ELMO2: variants seen among roughly 807,000 people sequenced by gnomAD.
ELMO2 encodes engulfment and cell motility protein 2.
Under a neutral mutation model 96.2 loss-of-function variants are expected in ELMO2, and 37 were observed. The ratio of observed to expected loss-of-function variants is 0.38; its 90% CI spans 0.30 to 0.51. The LOEUF (loss-of-function observed/expected upper bound fraction) is 0.51, where lower values mean the gene tolerates loss of function less well. Ranked by LOEUF, ELMO2 falls within the 20% of genes least tolerant of loss-of-function variation. The probability of loss-of-function intolerance (pLI) is 0.88; values close to 1 mark genes in which losing one functional copy is unlikely to be tolerated. For missense variants in ELMO2, 561 were observed against 912.6 expected, an observed-to-expected ratio of 0.61 and a Z score of 4.96; for synonymous variants, 315 against 329.4, an observed-to-expected ratio of 0.96 and a Z score of 0.47.
chr20:46,369,083 A>C (rs1390290818), intron 20 of ELMO2, 115 bp from the exon 21 acceptor site: 5 of 928,898 alleles, frequency 5.4e-6, no homozygotes, highest in Non-Finnish European at 8.6e-6. Context: ...GATTCAGATG[A>C]ATGTCATCAA....
chr20:46,368,868 T>C lies in ELMO2; in HGVS notation c.1962+23A>G, dbSNP rs772407142. 27 of 1,613,674 alleles carry C rather than the reference T, an allele frequency of 1.7e-5. No homozygotes were observed. The South Asian group carries it at 2.7e-4, about 16-fold the overall frequency. ...GAGTTACAGAAATAGCTCTGTTGTCTAAGGCAGCGCCACACTGCTCACCTC... is the reference window on the plus strand; with the variant it reads ...GAGTTACAGAAATAGCTCTGTTGTCCAAGGCAGCGCCACACTGCTCACCTC... On this transcript the variant is annotated intron_variant, in intron 21 of 21. Coordinates refer to ENST00000290246, the MANE Select transcript of ELMO2 (RefSeq NM_133171.5).
chr20:46,391,305 T>C (rs2060146373), intron 6 of ELMO2, among the ~76,000 whole-genome samples: 1 of 152,176 alleles, frequency 6.6e-6, no homozygotes. Flanking sequence ...GTGTGACAAG[T>C]GGCAAGTAAT....
At position 46,371,961 on chromosome 20, in the gene ELMO2, T is replaced by C; in HGVS notation, c.1425A>G (p.Gln475=). The change falls in exon 17 of 22, where the codon CAA becomes CAG. Residue 475 remains glutamine, a synonymous_variant. Transcript: ENST00000290246. This position sits in a 1 kb window ranked among gnomAD's most constrained non-coding sequence, Gnocchi z 5.9. ...ATAEDFNKVM[Q]VVREQITRAL... is the part of the protein sequence containing the mutation. ...CTCGAGTGATTTGCTCTCGGACGAC[T>C]TGCATAACCTAAGAGGAGAAGAACC... The C allele has an allele frequency of 6.2e-7, 1 of 1,613,784 alleles. No homozygotes were observed. Among genetic ancestry groups the C allele is most frequent in the Non-Finnish European group, 8.5e-7 (1 of 1,180,004 alleles).
chr20:46,383,065 A>G (rs998808804), intron 10 of ELMO2, among the ~76,000 whole-genome samples: 2 of 152,184 alleles, frequency 1.3e-5, no homozygotes, highest in African/African-American at 2.4e-5. Flanking sequence ...AGACAGCCAT[A>G]CCCATTCATT....
intron 9 of ELMO2, among the ~76,000 whole-genome samples, chr20:46,384,562 A>G (rs1474665674): frequency 2.8e-5 from 4 of 145,308 alleles, no homozygotes; most frequent in African/African-American, 5.1e-5. Flanking sequence ...AAAAAAAAAA[A>G]CCAGAGAAGT....
intron 2 of ELMO2, among the ~76,000 whole-genome samples, chr20:46,395,881 T>A (rs2060236024): frequency 6.6e-6 from 1 of 152,254 alleles, no homozygotes; most frequent in South Asian, 2.1e-4. Flanking sequence ...AACAGGATTA[T>A]CACCTCCATT....
intron 1 of ELMO2, among the ~76,000 whole-genome samples, chr20:46,401,554 G>A (rs2060336064): frequency 6.6e-6 from 1 of 152,164 alleles, no homozygotes; most frequent in Non-Finnish European, 1.5e-5. Flanking sequence ...GACACCTTCT[G>A]TAGTGTTCCT....
intron 15 of ELMO2, among the ~76,000 whole-genome samples, chr20:46,374,097 GGTT>G (rs2059795880): frequency 1.3e-5 from 1 of 75,482 alleles, no homozygotes; most frequent in Admixed American, 1.6e-4. Flanking sequence ...GCTAATTTTT[GGTT>G]TTTTTTTTTT....
chr20:46,406,289 G>A (rs2060442031), intron 1 of ELMO2, among the ~76,000 whole-genome samples: 1 of 150,482 alleles, frequency 6.6e-6, no homozygotes, highest in African/African-American at 2.4e-5. Flanking sequence ...TGCCTGGCCC[G>A]CCCTCTTCCG....
rs181467143 is a variant in ELMO2 at position 46,383,304 on chromosome 20, A to G, written c.756+112T>C. 2.0e-4 allele frequency: 230 copies of G among 1,151,202 alleles called. 1 individual carries two copies. The African/African-American group carries it at 3.1e-3, about 16-fold the overall frequency. The allele number at this position is 1,151,202 out of a possible 1,614,324, so 71.3% of individuals were successfully genotyped here. On this transcript the variant is annotated intron_variant, in intron 10 of 21. Coordinates refer to ENST00000290246, the MANE Select transcript of ELMO2 (RefSeq NM_133171.5). Reference sequence around the variant, plus strand: ...GCTCCAGACCAGACAGCTAAGAGGAAGAACTCTTGGGAAAATTGCTGGATT... The same window carrying G: ...GCTCCAGACCAGACAGCTAAGAGGAGGAACTCTTGGGAAAATTGCTGGATT...
intron 11 of ELMO2, among the ~76,000 whole-genome samples, chr20:46,379,164 T>C (rs1250248351): frequency 6.6e-6 from 1 of 152,116 alleles, no homozygotes; most frequent in Admixed American, 6.6e-5. Context: ...CGGCTAATTT[T>C]TGTATTTTTA....
chr20:46,387,310 G>A lies in ELMO2; in HGVS notation c.525+28C>T, dbSNP rs750101968. On this transcript the variant is annotated intron_variant, in intron 8 of 21. Coordinates refer to ENST00000290246, the MANE Select transcript of ELMO2 (RefSeq NM_133171.5). ...TTGTGAACTGGCAGCTGAGGGAGGAGAGAAAGACAGAATGTTGGAGGCCTC... is the reference window on the plus strand; with the variant it reads ...TTGTGAACTGGCAGCTGAGGGAGGAAAGAAAGACAGAATGTTGGAGGCCTC... 6 of 1,596,708 alleles carry A rather than the reference G, an allele frequency of 3.8e-6. No homozygotes were observed. In the African/African-American group the frequency reaches 4.0e-5, roughly 11 times the overall value.
intron 6 of ELMO2, among the ~76,000 whole-genome samples, chr20:46,389,482 G>A (rs1344484411): frequency 6.6e-6 from 1 of 152,190 alleles, no homozygotes; most frequent in African/African-American, 2.4e-5. Context: ...GGGAATACTG[G>A]AGGCATCTGG....
intron 13 of ELMO2, among the ~76,000 whole-genome samples, chr20:46,374,906 A>G (rs2059826232): frequency 6.6e-6 from 1 of 152,118 alleles, no homozygotes. Flanking sequence ...AGTTAACCCC[A>G]TCCTCAAGCC....
rs1170686137 is a variant in ELMO2, at chr20:46,402,289, T to C, written c.-125-3518A>G. ...CAGCACACTGCCTGCCACATAGCTGTGTCCACAGAATTCCACAGGAAAATT... is the reference window on the plus strand; with the variant it reads ...CAGCACACTGCCTGCCACATAGCTGCGTCCACAGAATTCCACAGGAAAATT... On this transcript the variant is annotated intron_variant, in intron 1 of 21. Transcript: ENST00000290246. 3.3e-5 allele frequency among the ~76,000 whole-genome samples: 5 copies of C among 152,232 alleles called. No homozygotes were observed. The East Asian group carries it at 9.6e-4, about 29-fold the overall frequency.
At chr20:46,397,543 G>A (rs1430024043) in intron 2 of ELMO2, among the ~76,000 whole-genome samples, 13 of 152,124 alleles carry the variant, frequency 8.5e-5, no homozygotes, top group Admixed American at 5.2e-4. Flanking sequence ...GATGGTGGGC[G>A]CCTGTAATCC....
At chr20:46,392,215 C>CT (rs1367407311) in intron 6 of ELMO2, among the ~76,000 whole-genome samples, 2 of 152,348 alleles carry the variant, frequency 1.3e-5, no homozygotes, top group East Asian at 3.9e-4. Context: ...ACTTCACCTT[C>CT]TTGGTGTTCT....
Position 46,371,440 on chromosome 20 carries a change from C to T in ELMO2, c.1713G>A (p.Arg571=). 6.2e-7 allele frequency: 1 copy of T among 1,614,234 alleles called. No homozygotes were observed. Among genetic ancestry groups the T allele is most frequent in the Non-Finnish European group, 8.5e-7 (1 of 1,180,052 alleles). ...RRRQERFWYC[R]LALNHKVLHY... is the part of the protein sequence containing the mutation. Reference sequence around the variant, plus strand: ...GAAGGACCTTGTGGTTCAGTGCCAACCGGCAGTACCAGAACCGTTCTGGAA... The same window carrying T: ...GAAGGACCTTGTGGTTCAGTGCCAATCGGCAGTACCAGAACCGTTCTGGAA... Residue 571 remains arginine (R), a synonymous_variant, in exon 19 of 22, where the codon CGG becomes CGA. Transcript: ENST00000290246. The surrounding 1 kb of genome is among the most constrained non-coding windows in gnomAD (Gnocchi z 5.9).
intron 10 of ELMO2, chr20:46,382,356 G>A: frequency 2.0e-6 from 2 of 1,000,794 alleles, no homozygotes; most frequent in Admixed American, 2.3e-5. Context: ...AGAAAGACAA[G>A]GACAGACAGA....
Sources: allele counts gnomAD v4.1 joint callset (sites outside exome capture counted in the v4.1 genomes callset), GRCh38; gene constraint gnomAD v4.1.1; non-coding constraint Gnocchi (gnomAD v3.1); transcripts MANE v1.5; gene names NCBI Gene and HGNC (gene_info 2026-07-23, HGNC 2026-07-21).